NRXN1: variants seen among roughly 807,000 people sequenced by gnomAD.
NRXN1 encodes neurexin 1.
NRXN1 carries 39 observed loss-of-function variants against 150.9 expected under a neutral mutation model. The ratio of observed to expected loss-of-function variants is 0.26; its 90% CI spans 0.20 to 0.34. The LOEUF is 0.34. NRXN1 is among the 10% of genes least tolerant of loss of function. The pLI, the probability that NRXN1 is intolerant of heterozygous loss-of-function variation, is 1.00. For synonymous variants in NRXN1, 924 were observed against 757.0 expected, an observed-to-expected ratio of 1.22 and a Z score of -3.62; for missense variants, 1,815 against 1,949.9, an observed-to-expected ratio of 0.93 and a Z score of 1.30.
At chr2:50,051,125 G>A (rs751369845) in intron 21 of NRXN1, among the ~76,000 whole-genome samples, 1 of 151,720 alleles carries the variant, frequency 6.6e-6, no homozygotes, top group African/African-American at 2.4e-5. Flanking sequence ...TCTTTTCATT[G>A]GCAATTAAGG....
chr2:50,561,411 A>C (rs1350499344), intron 8 of NRXN1, among the ~76,000 whole-genome samples: 1 of 152,220 alleles, frequency 6.6e-6, no homozygotes, highest in Non-Finnish European at 1.5e-5. Flanking sequence ...ATCTTTTTGA[A>C]ATACAAACTG....
chr2:50,986,195 T>C (rs868259460), intron 2 of NRXN1, among the ~76,000 whole-genome samples: 6 of 151,832 alleles, frequency 4.0e-5, no homozygotes, highest in South Asian at 4.1e-4. Flanking sequence ...CATAGTAATA[T>C]TAAGTCGTGG....
intron 5 of NRXN1, among the ~76,000 whole-genome samples, chr2:50,703,737 T>C (rs1694072398): frequency 6.6e-6 from 1 of 152,160 alleles, no homozygotes; most frequent in Admixed American, 6.5e-5. Flanking sequence ...TTATTGTATG[T>C]TAGAATTTGA....
intron 17 of NRXN1, among the ~76,000 whole-genome samples, chr2:50,405,995 C>A (rs1330027515): frequency 6.6e-6 from 1 of 152,036 alleles, no homozygotes; most frequent in East Asian, 1.9e-4. Context: ...ATTGGTAAAT[C>A]ATTTGTCCAA....
intron 5 of NRXN1, among the ~76,000 whole-genome samples, chr2:50,736,513 C>T (rs1021431543): frequency 6.6e-6 from 1 of 152,152 alleles, no homozygotes; most frequent in Non-Finnish European, 1.5e-5. Context: ...CCATAATTCC[C>T]ATCTGTTATA....
chr2:50,449,743 T>C (rs1222548317), intron 17 of NRXN1, among the ~76,000 whole-genome samples: 4 of 152,208 alleles, frequency 2.6e-5, no homozygotes, highest in Non-Finnish European at 4.4e-5. Context: ...GATCTGTACA[T>C]GTCAGGCATT....
chr2:50,132,304 C>CT (rs1212573949), intron 18 of NRXN1, among the ~76,000 whole-genome samples: 1 of 92,370 alleles, frequency 1.1e-5, no homozygotes, highest in Non-Finnish European at 2.3e-5. Flanking sequence ...TGTCCCAAAA[C>CT]TCTTTTTTTT....
In NRXN1 at chr2:49,958,145, T is replaced by C. The variant is rs137901526; in HGVS notation, c.4129-14354A>G. 3.2e-3 allele frequency among the ~76,000 whole-genome samples: 483 copies of C among 152,246 alleles called. 1 individual carries two copies. Among genetic ancestry groups the C allele is most frequent in the African/African-American group, 0.01 (428 of 41,542 alleles). ...AGAAACAGGACAAGAATTTTGCTAA[T>C]TGTCTTCTTTGAGAACTAGGAGCTT... On this transcript the variant is annotated intron_variant, in intron 21 of 22. Coordinates refer to ENST00000401669, the MANE Select transcript of NRXN1 (RefSeq NM_001330078.2).
chr2:50,784,918 T>C (rs1200646722), intron 5 of NRXN1, among the ~76,000 whole-genome samples: 1 of 152,008 alleles, frequency 6.6e-6, no homozygotes, highest in Non-Finnish European at 1.5e-5. Context: ...TAGATACGAA[T>C]TGGAATAAAC....
chr2:50,523,822 C>G (rs1028777771), intron 12 of NRXN1, among the ~76,000 whole-genome samples: 1 of 152,158 alleles, frequency 6.6e-6, no homozygotes, highest in Non-Finnish European at 1.5e-5. Flanking sequence ...CACTGGACTG[C>G]AAATAGGAAT....
chr2:50,983,557 T>C (rs1213073897), intron 2 of NRXN1, among the ~76,000 whole-genome samples: 1 of 152,146 alleles, frequency 6.6e-6, no homozygotes, highest in Admixed American at 6.6e-5. Flanking sequence ...ACAGGACAGT[T>C]AACAAATTGT....
chr2:50,532,468 CTTTT>C (rs1281472710), intron 10 of NRXN1, among the ~76,000 whole-genome samples: 1 of 152,072 alleles, frequency 6.6e-6, no homozygotes, highest in East Asian at 1.9e-4. Flanking sequence ...GATAATACTT[CTTTT>C]GAGCCATTAT....
chr2:50,859,480 G>T (rs1675782432), intron 5 of NRXN1, among the ~76,000 whole-genome samples: 1 of 151,992 alleles, frequency 6.6e-6, no homozygotes, highest in Non-Finnish European at 1.5e-5. Context: ...AAATCAGAAT[G>T]AAATGATTAT....
intron 18 of NRXN1, among the ~76,000 whole-genome samples, chr2:50,193,352 A>G (rs781142183): frequency 1.1e-4 from 17 of 152,184 alleles, no homozygotes; most frequent in Non-Finnish European, 1.6e-4. Flanking sequence ...GTGTTCTGGT[A>G]TTGTCCCACT....
chr2:50,522,730 T>C lies in NRXN1; in HGVS notation c.2374+5895A>G, dbSNP rs1348474009. 4.0e-4 allele frequency among the ~76,000 whole-genome samples: 48 copies of C among 119,296 alleles called. 4 individuals are homozygous for C. In the East Asian group the frequency reaches 5.2e-3, roughly 13 times the overall value. The allele number at this position is 119,296 out of a possible 152,430, so 78.3% of individuals were successfully genotyped here. ...CATTTATTTTTATTCATTTTTTTTTTTTTTTTTTTTTTTTTTTTTTGAGAG... is the reference window on the plus strand; with the variant it reads ...CATTTATTTTTATTCATTTTTTTTTCTTTTTTTTTTTTTTTTTTTTGAGAG... On this transcript the variant is annotated intron_variant, in intron 12 of 22. Transcript: ENST00000401669.
intron 18 of NRXN1, among the ~76,000 whole-genome samples, chr2:50,159,840 GGA>G (rs1265735507): frequency 6.6e-6 from 1 of 152,054 alleles, no homozygotes; most frequent in Non-Finnish European, 1.5e-5. Flanking sequence ...TAATAATACT[GGA>G]GACAATTCCA....
chr2:50,528,882 G>A, intron 11 of NRXN1: 1 of 441,232 alleles, frequency 2.3e-6, no homozygotes, highest in East Asian at 4.1e-5. Flanking sequence ...AAAGCTACAT[G>A]GTGACAAATC....
chr2:50,842,724 T>C (rs1304032910), intron 5 of NRXN1, among the ~76,000 whole-genome samples: 1 of 152,160 alleles, frequency 6.6e-6, no homozygotes, highest in Non-Finnish European at 1.5e-5. Flanking sequence ...GACCTCTACA[T>C]GTTCATGGGA....
At chr2:50,481,474 C>G (rs1409297204) in intron 15 of NRXN1, among the ~76,000 whole-genome samples, 1 of 152,132 alleles carries the variant, frequency 6.6e-6, no homozygotes, top group Non-Finnish European at 1.5e-5. Context: ...CTTTTTAAAT[C>G]AAATTTTATC....
Sources: gnomAD v4.1 joint callset for allele counts (sites outside exome capture counted in the v4.1 genomes callset) on GRCh38, gnomAD v4.1.1 for gene constraint, MANE v1.5 for transcripts, NCBI Gene and HGNC (gene_info 2026-07-23, HGNC 2026-07-21) for gene names.